Variants in CSTF3 observed in about 807,000 individuals in gnomAD.
The protein encoded by CSTF3 is CF-1 77 kDa subunit.
In CSTF3, 29 loss-of-function variants were observed where a neutral mutation model predicts 105.8. The observed-to-expected ratio is 0.27, with a 90% CI of 0.20 to 0.37. The LOEUF (loss-of-function observed/expected upper bound fraction) is 0.37, where lower values mean the gene tolerates loss of function less well. CSTF3 is among the 10% of genes least tolerant of loss of function. The pLI, the probability that CSTF3 is intolerant of heterozygous loss-of-function variation, is 1.00. For synonymous variants in CSTF3, 252 were observed against 281.9 expected, an observed-to-expected ratio of 0.89 and a Z score of 1.06; for missense variants, 357 against 879.3, an observed-to-expected ratio of 0.41 and a Z score of 7.51.
intron 3 of CSTF3, among the ~76,000 whole-genome samples, chr11:33,130,032 TAAAG>T (rs1049596407): frequency 4.9e-4 from 74 of 152,198 alleles, no homozygotes; most frequent in African/African-American, 1.6e-3. Flanking sequence ...TAACTGGAAA[TAAAG>T]ATTTAGTTTT....
chr11:33,128,816 G>C (rs1466782820), intron 3 of CSTF3, among the ~76,000 whole-genome samples: 1 of 152,064 alleles, frequency 6.6e-6, no homozygotes, highest in African/African-American at 2.4e-5. Flanking sequence ...AGCTAAAATT[G>C]TTTCAACTCA....
intron 3 of CSTF3, among the ~76,000 whole-genome samples, chr11:33,123,571 C>T (rs537311259): frequency 1.1e-4 from 16 of 151,856 alleles, no homozygotes; most frequent in Admixed American, 2.0e-4. Context: ...ACTGCAGTAC[C>T]GTCTGTAATA....
chr11:33,134,856 G>T (rs1476336853), intron 3 of CSTF3, among the ~76,000 whole-genome samples: 2 of 152,136 alleles, frequency 1.3e-5, no homozygotes, highest in African/African-American at 4.8e-5. Flanking sequence ...CTGGTTATTT[G>T]TGAGAAAACA....
chr11:33,113,480 C>T (rs970021926), intron 3 of CSTF3, among the ~76,000 whole-genome samples: 1 of 151,854 alleles, frequency 6.6e-6, no homozygotes, highest in Non-Finnish European at 1.5e-5. Context: ...CACACCATTA[C>T]ATTTTCAGCC....
intron 1 of CSTF3, among the ~76,000 whole-genome samples, chr11:33,145,502 A>G (rs7109392): frequency 0.01 from 1,585 of 152,324 alleles, 27 homozygotes; most frequent in African/African-American, 0.035. Context: ...TTAACTTTTT[A>G]AAGACTCAAA....
intron 15 of CSTF3, among the ~76,000 whole-genome samples, chr11:33,094,470 G>T (rs903976482): frequency 6.6e-6 from 1 of 152,192 alleles, no homozygotes; most frequent in African/African-American, 2.4e-5. Flanking sequence ...ATGTTTCATG[G>T]ATGGATAGAT....
At chr11:33,116,602 G>A (rs1855433041) in intron 3 of CSTF3, among the ~76,000 whole-genome samples, 1 of 152,150 alleles carries the variant, frequency 6.6e-6, no homozygotes, top group South Asian at 2.1e-4. Context: ...GCTGATTATG[G>A]TGAAGGTCCA....
chr11:33,134,428 A>G (rs1855632122), intron 3 of CSTF3: 1 of 152,204 alleles, frequency 6.6e-6, no homozygotes, highest in South Asian at 2.1e-4. Flanking sequence ...AATTCTCTTC[A>G]TACACGATAG....
intron 3 of CSTF3, among the ~76,000 whole-genome samples, chr11:33,136,587 CTTTTG>C (rs1855655611): frequency 6.6e-6 from 1 of 151,894 alleles, no homozygotes; most frequent in Non-Finnish European, 1.5e-5. Flanking sequence ...TAAACTGGTC[CTTTTG>C]TTTTATAAAG....
intron 18 of CSTF3, 127 bp downstream of exon 18, chr11:33,086,861 G>C: frequency 9.5e-7 from 1 of 1,056,952 alleles, no homozygotes; most frequent in Non-Finnish European, 1.4e-6. Context: ...TAAATCACTT[G>C]TCATAGTGAT....
intron 1 of CSTF3, among the ~76,000 whole-genome samples, chr11:33,154,761 C>A (rs1027126239): frequency 2.0e-5 from 3 of 152,114 alleles, no homozygotes; most frequent in African/African-American, 4.8e-5. Flanking sequence ...TCCCGAAGTG[C>A]TGGGATTACA....
Position 33,098,698 on chromosome 11 carries a change from G to T in CSTF3, c.1120C>A (p.Pro374Thr). The part of the protein sequence containing the change: ...NRLLAIEDID[P>T]TLVYIQYMKF... ...TTTGTAAAGTTACTCACCAAGGTAG[G>T]GTCAATATCCTCAATTGCCAGAAGT... is the stretch of plus-strand genomic sequence containing the variant. Residue 374 changes from proline (P) to threonine (T), a missense_variant, in exon 13 of 21, where the codon CCT (proline) becomes ACT (threonine). Physicochemically the swap from Pro to Thr is conservative, Grantham distance 38 (BLOSUM62 -1). Coordinates refer to ENST00000323959, the MANE Select transcript of CSTF3 (RefSeq NM_001326.3). 2 of 1,578,980 alleles carry T rather than the reference G, an allele frequency of 1.3e-6. No homozygotes were observed. Among genetic ancestry groups the T allele is most frequent in the Non-Finnish European group, 1.7e-6 (2 of 1,162,784 alleles).
At position 33,103,144 on chromosome 11, in the gene CSTF3, C is replaced by T; in HGVS notation, c.626G>A (p.Arg209Gln). 6.4e-7 allele frequency: 1 copy of T among 1,567,806 alleles called. No homozygotes were observed. Among genetic ancestry groups the T allele is most frequent in the East Asian group, 2.4e-5 (1 of 42,410 alleles). The change falls in exon 9 of 21, where the codon CGG (arginine) becomes CAG (glutamine). Residue 209 changes from arginine to glutamine, a missense_variant. Physicochemically the swap from Arg to Gln is conservative, Grantham distance 43. This residue lies in a region of CSTF3 where 206 missense variants were observed against 576.5 expected (regional missense o/e 0.36). Transcript: ENST00000323959. ...IHLAKKMIED[R>Q]SRDYMNARRV... Reference sequence around the variant, plus strand: ...TCTAGCATTCATATAATCTCTACTCCGATCTTCAATCATTTTTTTAGCTAA... The same window carrying T: ...TCTAGCATTCATATAATCTCTACTCTGATCTTCAATCATTTTTTTAGCTAA...
Position 33,087,122 on chromosome 11 carries a change from A to T in CSTF3, c.1661T>A (p.Leu554Gln). ...AACTGGGTCCGGAATTATAGCTGCT[A>T]GCTTAGCACGGGAGACATCCTGAAA... ...LGYKDVSRAK[L>Q]AAIIPDPVVA... is the part of the protein sequence containing the mutation. The change falls in exon 18 of 21, where the codon CTA becomes CAA. Residue 554 changes from leucine to glutamine, a missense_variant. Transcript: ENST00000323959. The T allele has an allele frequency of 6.2e-7, 1 of 1,614,158 alleles. No homozygotes were observed. Among genetic ancestry groups the T allele is most frequent in the Non-Finnish European group, 8.5e-7 (1 of 1,180,010 alleles).
At chr11:33,122,107 G>A (rs933169790) in intron 3 of CSTF3, among the ~76,000 whole-genome samples, 2 of 152,102 alleles carry the variant, frequency 1.3e-5, no homozygotes, top group Non-Finnish European at 2.9e-5. Flanking sequence ...AATAATCTAT[G>A]GATTAGCTTT....
intron 3 of CSTF3, among the ~76,000 whole-genome samples, chr11:33,114,009 C>T (rs1855406813): frequency 6.6e-6 from 1 of 152,208 alleles, no homozygotes; most frequent in Admixed American, 6.5e-5. Context: ...CCTTTGTTAA[C>T]TTCCACAATT....
At chr11:33,116,407 A>G (rs1855431514) in intron 3 of CSTF3, among the ~76,000 whole-genome samples, 1 of 152,288 alleles carries the variant, frequency 6.6e-6, no homozygotes, top group Non-Finnish European at 1.5e-5. Context: ...GATTCAGAGG[A>G]AAAGGTGTTC....
chr11:33,114,752 G>A (rs1455305600), intron 3 of CSTF3, among the ~76,000 whole-genome samples: 1 of 152,070 alleles, frequency 6.6e-6, no homozygotes, highest in African/African-American at 2.4e-5. Context: ...TTGGGAGGCT[G>A]AGGCAGGAGA....
At chr11:33,098,564 A>G (rs1029273512) in intron 13 of CSTF3, 126 bp downstream of exon 13, 17 of 602,926 alleles carry the variant, frequency 2.8e-5, no homozygotes, top group Non-Finnish European at 4.8e-5. Context: ...CCCATACTCA[A>G]TGTTATTTGT....
Sources: allele counts gnomAD v4.1 joint callset (sites outside exome capture counted in the v4.1 genomes callset), GRCh38; gene constraint gnomAD v4.1.1; regional missense constraint gnomAD v4.1.1; transcripts MANE v1.5; gene names NCBI Gene and HGNC (gene_info 2026-07-23, HGNC 2026-07-21).